Variants in PLCB4 observed in about 807,000 individuals in gnomAD.
The protein encoded by PLCB4 is 1-phosphatidylinositol 4,5-bisphosphate phosphodiesterase beta-4.
Under a neutral mutation model 178.8 loss-of-function variants are expected in PLCB4, and 77 were observed. That is an observed-to-expected ratio of 0.43 (90% CI 0.36 to 0.52). The LOEUF (loss-of-function observed/expected upper bound fraction) is 0.52. Among genes scored for constraint, PLCB4 ranks in the 20% least tolerant of loss-of-function variants. PLCB4 has a pLI of 0.00. For missense variants in PLCB4, 1,024 were observed against 1,453.4 expected (o/e 0.70, Z 4.80); for synonymous variants, 496 against 490.8 (o/e 1.01, Z -0.14).
In PLCB4 at chr20:9,478,939, A is replaced by C; in HGVS notation, c.3551A>C (p.Asp1184Ala). The C allele has an allele frequency of 6.2e-7, 1 of 1,613,588 alleles. No individual in the cohort carries two copies. Among genetic ancestry groups the C allele is most frequent in the Non-Finnish European group, 8.5e-7 (1 of 1,179,548 alleles). Residue 1184 changes from aspartate (D) to alanine (A), a missense_variant, in exon 40 of 40, where the codon GAT becomes GCT. Asp to Ala is a moderately radical substitution (Grantham distance 126, BLOSUM62 -2). Coordinates refer to ENST00000378473, the MANE Select transcript of PLCB4 (RefSeq NM_001377142.1). ...GTTATAGGCGAAGGAGATGCAGCAG[A>C]TGGTGAAATTGGAAGCCGAGATGGA... ...SQTQGEGDAA[D>A]GEIGSRDGPQ...
In PLCB4 at chr20:9,232,014, T is replaced by A. The variant is rs546641471; in HGVS notation, c.-16+14562T>A. Among the ~76,000 whole-genome samples the A allele has an allele frequency of 1.1e-4, 17 of 152,234 alleles. No homozygotes were observed. The South Asian group carries it at 3.3e-3, about 30-fold the overall frequency. On this transcript the variant is annotated intron_variant, in intron 3 of 39. Transcript: ENST00000378473. The stretch of plus-strand genomic sequence containing the variant: ...ATACAAACAACAAGTTGGATGAACC[T>A]AAAAAACATTCTGCTGGGTGAAAGA...
At chr20:9,160,696 A>G (rs530719749) in intron 2 of PLCB4, among the ~76,000 whole-genome samples, 6 of 152,328 alleles carry the variant, frequency 3.9e-5, no homozygotes, top group African/African-American at 1.4e-4. Flanking sequence ...TGGTGGAGGT[A>G]ACTTCTGCTC....
intron 1 of PLCB4, among the ~76,000 whole-genome samples, chr20:9,090,971 A>G (rs986971861): frequency 6.6e-6 from 1 of 152,088 alleles, no homozygotes; most frequent in East Asian, 1.9e-4. Flanking sequence ...GTTCAAATGA[A>G]TTCATTATTT....
intron 2 of PLCB4, among the ~76,000 whole-genome samples, chr20:9,143,267 T>C (rs1382672281): frequency 6.6e-6 from 1 of 152,168 alleles, no homozygotes; most frequent in East Asian, 1.9e-4. Context: ...CAGCAGAGAT[T>C]TCTGTCTGTA....
At chr20:9,298,664 C>A (rs565860692) in intron 3 of PLCB4, among the ~76,000 whole-genome samples, 1 of 152,026 alleles carries the variant, frequency 6.6e-6, no homozygotes. Context: ...TGTAATGGAA[C>A]CAATAGCATG....
At chr20:9,127,905 T>A (rs2092166054) in intron 2 of PLCB4, among the ~76,000 whole-genome samples, 1 of 152,164 alleles carries the variant, frequency 6.6e-6, no homozygotes, top group Non-Finnish European at 1.5e-5. Flanking sequence ...CAGACTCGTC[T>A]TGAACTCCTG....
intron 9 of PLCB4, among the ~76,000 whole-genome samples, chr20:9,365,836 G>C (rs1490335843): frequency 6.6e-6 from 1 of 152,180 alleles, no homozygotes; most frequent in Non-Finnish European, 1.5e-5. Context: ...TTTGCCATGA[G>C]AAACTGTTAG....
At chr20:9,426,995 C>T (rs2041061100) in intron 28 of PLCB4, among the ~76,000 whole-genome samples, 1 of 152,030 alleles carries the variant, frequency 6.6e-6, no homozygotes, top group Admixed American at 6.6e-5. Flanking sequence ...GAGGCCGAGG[C>T]GCGTGGATCA....
At chr20:9,385,183 A>G (rs982982203) in intron 14 of PLCB4, among the ~76,000 whole-genome samples, 4 of 152,212 alleles carry the variant, frequency 2.6e-5, no homozygotes, top group Non-Finnish European at 4.4e-5. Context: ...TACAGAACAA[A>G]ATGGTGTCTC....
intron 2 of PLCB4, among the ~76,000 whole-genome samples, chr20:9,159,447 TTAAAA>T (rs2092846314): frequency 6.6e-6 from 1 of 152,172 alleles, no homozygotes; most frequent in South Asian, 2.1e-4. Context: ...ATCTTTGAGT[TTAAAA>T]TAAAGAGATT....
intron 2 of PLCB4, among the ~76,000 whole-genome samples, chr20:9,208,735 C>T (rs1447537117): frequency 6.6e-6 from 1 of 151,996 alleles, no homozygotes; most frequent in Admixed American, 6.6e-5. Context: ...GAGATGGAGT[C>T]TCACTATGTT....
intron 2 of PLCB4, among the ~76,000 whole-genome samples, chr20:9,116,943 G>A (rs1174620373): frequency 2.6e-5 from 4 of 152,050 alleles, no homozygotes; most frequent in Non-Finnish European, 5.9e-5. Context: ...TAGAGTTTTT[G>A]TTGTTGTGAA....
At chr20:9,107,060 C>A (rs2091391771) in intron 2 of PLCB4, among the ~76,000 whole-genome samples, 1 of 152,186 alleles carries the variant, frequency 6.6e-6, no homozygotes, top group South Asian at 2.1e-4. Flanking sequence ...ATATGACCAT[C>A]ACCCAGCTTC....
At chr20:9,214,681 A>C in intron 2 of PLCB4, among the ~76,000 whole-genome samples, 1 of 152,186 alleles carries the variant, frequency 6.6e-6, no homozygotes, top group South Asian at 2.1e-4. Context: ...GAATAATAGT[A>C]TTTGAAAGGA....
chr20:9,466,404 A>G (rs144151482), intron 35 of PLCB4, among the ~76,000 whole-genome samples: 10 of 152,356 alleles, frequency 6.6e-5, no homozygotes, highest in African/African-American at 1.7e-4. Flanking sequence ...AACAAAAAGC[A>G]ATGGCCACCA....
In PLCB4 at chr20:9,307,786, T is replaced by G. The variant is rs1357510690; in HGVS notation, c.-15-14T>G. 7.7e-7 allele frequency: 1 copy of G among 1,302,538 alleles called. No homozygotes were observed. The highest frequency in any genetic ancestry group is 1.1e-6 in the Non-Finnish European group (1 of 913,222). 80.7% of individuals were successfully genotyped at this position (1,302,538 alleles called of 1,614,324 possible). On this transcript the variant is annotated splice_polypyrimidine_tract_variant and intron_variant, in intron 3 of 39. Transcript: ENST00000378473. ...CATTTTATATACTAACGAGCTATTC[T>G]TTTTCATTTTTAGGTCTTGAATATA... is the stretch of plus-strand genomic sequence containing the variant.
chr20:9,075,340 G>T (rs1380025466), intron 1 of PLCB4, among the ~76,000 whole-genome samples: 1 of 152,108 alleles, frequency 6.6e-6, no homozygotes, highest in East Asian at 1.9e-4. Context: ...AAAGCTTCTG[G>T]CAATCCTGCT....
intron 7 of PLCB4, among the ~76,000 whole-genome samples, chr20:9,341,491 AT>A (rs1222468807): frequency 6.6e-6 from 1 of 152,188 alleles, no homozygotes; most frequent in Non-Finnish European, 1.5e-5. Context: ...GGAAGAAAAA[AT>A]ATATTATTCA....
chr20:9,412,304 T>A (rs2039915606), intron 25 of PLCB4, among the ~76,000 whole-genome samples: 1 of 152,040 alleles, frequency 6.6e-6, no homozygotes, highest in Admixed American at 6.6e-5. Context: ...GCCCCAGGGG[T>A]TCAGCCCTGG....
Sources: gnomAD v4.1 joint callset for allele counts (sites outside exome capture counted in the v4.1 genomes callset) on GRCh38, gnomAD v4.1.1 for gene constraint, MANE v1.5 for transcripts, NCBI Gene and HGNC (gene_info 2026-07-23, HGNC 2026-07-21) for gene names.